Variants in MROH7 observed in about 807,000 individuals in gnomAD.
The protein encoded by MROH7 is maestro heat like repeat family member 7.
A neutral mutation model predicts 129.2 loss-of-function variants in MROH7; 113 were observed. The ratio of observed to expected loss-of-function variants is 0.87; its 90% CI spans 0.75 to 1.02. MROH7 has a LOEUF of 1.02. MROH7 is among the 50% of genes least tolerant of loss of function. The probability of loss-of-function intolerance (pLI) is 0.00; values close to 1 mark genes in which losing one functional copy is unlikely to be tolerated. For missense variants in MROH7, 1,601 were observed against 1,671.3 expected (o/e 0.96, Z 0.73); for synonymous variants, 655 against 667.9 (o/e 0.98, Z 0.30).
chr1:54,642,313 C>T (rs1569833058), intron 1 of MROH7, among the ~76,000 whole-genome samples: 1 of 152,334 alleles, frequency 6.6e-6, no homozygotes, highest in East Asian at 1.9e-4. Context: ...ATGAGGGCAT[C>T]TGTCCAGGTC....
Position 54,681,594 on chromosome 1 carries a change from T to G in MROH7, c.2382-1062T>G, listed in dbSNP as rs78268449. Among the ~76,000 whole-genome samples, 1,400 of 152,358 alleles carry G rather than the reference T, an allele frequency of 9.2e-3. 25 individuals are homozygous for G. The highest frequency in any genetic ancestry group is 0.031 in the Middle Eastern group (9 of 294). ...CAGGGGAACAGAGCTAGAAAGTGAATGGAGGGTTGAAACCCTCTTGTAGAA... is the reference window on the plus strand; with the variant it reads ...CAGGGGAACAGAGCTAGAAAGTGAAGGGAGGGTTGAAACCCTCTTGTAGAA... On this transcript the variant is annotated intron_variant, in intron 13 of 23. Transcript: ENST00000421030.
chr1:54,666,006 C>T (rs954159909), intron 4 of MROH7, among the ~76,000 whole-genome samples: 8 of 152,326 alleles, frequency 5.3e-5, no homozygotes, highest in African/African-American at 1.7e-4. Context: ...CCACACTGGC[C>T]TTTTTCTGTT....
Position 54,665,307 on chromosome 1 carries a change from C to T in MROH7, c.1305+67C>T, listed in dbSNP as rs145372615. 5.0e-3 allele frequency: 6,341 copies of T among 1,263,664 alleles called. 23 individuals carry two copies. Among genetic ancestry groups the T allele is most frequent in the Non-Finnish European group, 6.2e-3 (5,415 of 871,516 alleles). 78.3% of individuals were successfully genotyped at this position (1,263,664 alleles called of 1,614,324 possible). On this transcript the variant is annotated intron_variant, in intron 4 of 23. Coordinates refer to ENST00000421030, the MANE Select transcript of MROH7 (RefSeq NM_001039464.4). ...CTTCCATCCTGCCAACCCCCTACCC[C>T]CCAGCCCAGCAGCCTCCGCATTCCC...
chr1:54,710,115 G>C lies in MROH7; in HGVS notation c.3900G>C (p.Leu1300=), dbSNP rs1181117554. The C allele has an allele frequency of 6.2e-7, 1 of 1,613,960 alleles. No homozygotes were observed. The highest frequency in any genetic ancestry group is 2.2e-5 in the East Asian group (1 of 44,866). The change falls in exon 24 of 24, where the codon CTG becomes CTC. Residue 1300 remains leucine (L), a synonymous_variant. Coordinates refer to ENST00000421030, the MANE Select transcript of MROH7 (RefSeq NM_001039464.4). ...GCTGGAGCCCCAGCTGTGAGAACCT[G>C]CCCACTTCCCACCAGCGGCGCTCCT... is the stretch of plus-strand genomic sequence containing the variant. The part of the protein sequence containing the change: ...THRWSPSCEN[L]PTSHQRRSWI...
At chr1:54,680,307 T>G (rs79090802) in intron 13 of MROH7, among the ~76,000 whole-genome samples, 6,768 of 152,268 alleles carry the variant, frequency 0.044, 178 homozygotes, top group South Asian at 0.091. Context: ...GTTTCTTGCC[T>G]TAGGTACTCA....
chr1:54,665,285 C>A, intron 4 of MROH7, 45 bp downstream of exon 4: 2 of 1,522,126 alleles, frequency 1.3e-6, no homozygotes, highest in Non-Finnish European at 1.8e-6. Flanking sequence ...TGGGATACTT[C>A]CATCCTGCCA....
At chr1:54,689,314 G>A (rs946868107) in intron 15 of MROH7, among the ~76,000 whole-genome samples, 1 of 152,188 alleles carries the variant, frequency 6.6e-6, no homozygotes, top group South Asian at 2.1e-4. Flanking sequence ...GAATAGGCAA[G>A]GAAGCATTCT....
At chr1:54,649,239 A>T (rs1056680320) in intron 1 of MROH7, among the ~76,000 whole-genome samples, 1 of 152,164 alleles carries the variant, frequency 6.6e-6, no homozygotes, top group Non-Finnish European at 1.5e-5. Flanking sequence ...AGAAGGGAGG[A>T]TGGCAATTGG....
intron 21 of MROH7, 53 bp from the exon 22 acceptor site, chr1:54,706,382 G>A (rs1645533857): frequency 2.3e-6 from 3 of 1,321,432 alleles, no homozygotes; most frequent in Non-Finnish European, 3.3e-6. Flanking sequence ...AGGGTGGATG[G>A]GCAATTGGTT....
In MROH7 at chr1:54,673,080, C is replaced by A. The variant is rs1188704163; in HGVS notation, c.1600-11C>A. 1 of 1,610,388 alleles carries A rather than the reference C, an allele frequency of 6.2e-7. No homozygotes were observed. Among genetic ancestry groups the A allele is most frequent in the Non-Finnish European group, 8.5e-7 (1 of 1,176,964 alleles). ...GGTGCCTTAGTGGCTTGGTCCTCCT[C>A]CCATCCACAGGCTCTTTACCATCAG... On this transcript the variant is annotated splice_polypyrimidine_tract_variant and intron_variant, in intron 7 of 23. Transcript: ENST00000421030.
intron 5 of MROH7, 53 bp from the exon 6 acceptor site, chr1:54,670,444 G>A: frequency 2.6e-6 from 4 of 1,534,074 alleles, no homozygotes; most frequent in Non-Finnish European, 3.6e-6. Flanking sequence ...CCTTGGCCCT[G>A]GTGGCCTGCA....
Position 54,692,427 on chromosome 1 carries a change from GGTGGTGAAA to G in MROH7, c.2725_2733del (p.Val909_Lys911del), listed in dbSNP as rs1645254180. The G allele has an allele frequency of 6.2e-7, 1 of 1,613,978 alleles. No homozygotes were observed. Among genetic ancestry groups the G allele is most frequent in the Admixed American group, 1.7e-5 (1 of 59,998 alleles). ...CTTAATTGCCTTGTCTTGGCAGCTG[GGTGGTGAAA>G]GTGGTGAAAACCCTGCTACTGAGGA... is the stretch of plus-strand genomic sequence containing the variant. On this transcript the variant is annotated inframe_deletion, in exon 16 of 24. Transcript: ENST00000421030.
chr1:54,685,165 C>T (rs958971161), intron 14 of MROH7, among the ~76,000 whole-genome samples: 7 of 152,056 alleles, frequency 4.6e-5, no homozygotes, highest in African/African-American at 9.7e-5. Flanking sequence ...TACAGGCACC[C>T]GCCACCACAC....
Position 54,704,793 on chromosome 1 carries a change from CTTTTTTTTTTT to C in MROH7, c.3565-1629_3565-1619del, listed in dbSNP as rs750428757. ...ACATGAATTAGCATTCAATGTAGCT[CTTTTTTTTTTT>C]TTTTTTTTTTTTGAGATGGAGTTTC... is the stretch of plus-strand genomic sequence containing the variant. On this transcript the variant is annotated intron_variant, in intron 21 of 23. Coordinates refer to ENST00000421030, the MANE Select transcript of MROH7 (RefSeq NM_001039464.4). 6.5e-3 allele frequency among the ~76,000 whole-genome samples: 443 copies of C among 67,842 alleles called. 10 individuals carry two copies. The highest frequency in any genetic ancestry group is 0.026 in the African/African-American group (407 of 15,454). 44.5% of individuals were successfully genotyped at this position (67,842 alleles called of 152,430 possible).
At chr1:54,684,383 A>C (rs988956099) in intron 14 of MROH7, among the ~76,000 whole-genome samples, 1 of 151,984 alleles carries the variant, frequency 6.6e-6, no homozygotes, top group Non-Finnish European at 1.5e-5. Flanking sequence ...TTTGTCCTCC[A>C]GCACTGAGTT....
chr1:54,679,120 T>C lies in MROH7; in HGVS notation c.2050-143T>C, dbSNP rs79149166. 0.01 allele frequency: 8,983 copies of C among 866,206 alleles called. 404 individuals are homozygous for C. The East Asian group carries it at 0.12, about 12-fold the overall frequency. 53.7% of individuals were successfully genotyped at this position (866,206 alleles called of 1,614,324 possible). ...TCCTCCCCTAAAGGTTCAACACTTA[T>C]GTGTTAACTGAATATTCCTGGCCCT... On this transcript the variant is annotated intron_variant, in intron 11 of 23. Transcript: ENST00000421030.
At chr1:54,679,534 G>A (rs1167175087) in intron 12 of MROH7, 95 bp downstream of exon 12, 36 of 1,384,850 alleles carry the variant, frequency 2.6e-5, no homozygotes, top group Non-Finnish European at 2.5e-5. Context: ...CAGTGGGCAG[G>A]GTGGGGTATA....
chr1:54,704,797 T>A (rs888574503), intron 21 of MROH7, among the ~76,000 whole-genome samples: 20 of 129,664 alleles, frequency 1.5e-4, no homozygotes, highest in African/African-American at 6.2e-4. Context: ...GTAGCTCTTT[T>A]TTTTTTTTTT....
intron 15 of MROH7, among the ~76,000 whole-genome samples, chr1:54,689,251 A>T (rs1421859218): frequency 6.6e-6 from 1 of 152,210 alleles, no homozygotes. Flanking sequence ...ATGAAGACAA[A>T]GAGTGAGTGA....
Sources: gnomAD v4.1 joint callset for allele counts (sites outside exome capture counted in the v4.1 genomes callset) on GRCh38, gnomAD v4.1.1 for gene constraint, MANE v1.5 for transcripts, NCBI Gene and HGNC (gene_info 2026-07-23, HGNC 2026-07-21) for gene names.